BAZ1B: variants seen among roughly 807,000 people sequenced by gnomAD.
The protein encoded by BAZ1B is tyrosine-protein kinase BAZ1B.
A neutral mutation model predicts 153.8 loss-of-function variants in BAZ1B; 22 were observed. That is an observed-to-expected ratio of 0.14 (90% CI 0.10 to 0.20). The LOEUF (loss-of-function observed/expected upper bound fraction) is 0.20, where lower values mean the gene tolerates loss of function less well. Among genes scored for constraint, BAZ1B ranks in the 10% least tolerant of loss-of-function variants. BAZ1B has a pLI of 1.00. For synonymous variants in BAZ1B, 676 were observed against 633.4 expected, an observed-to-expected ratio of 1.07 and a Z score of -1.01; for missense variants, 1,325 against 1,799.3, an observed-to-expected ratio of 0.74 and a Z score of 4.77.
rs1554565233 is a variant in BAZ1B, at chr7:73,442,315, G to A, written c.4333C>T (p.Pro1445Ser). 1.9e-6 allele frequency: 3 copies of A among 1,614,066 alleles called. No homozygotes were observed. Among genetic ancestry groups the A allele is most frequent in the African/African-American group, 1.3e-5 (1 of 74,914 alleles). Reference sequence around the variant, plus strand: ...TTCCTGCGGACATATGGGTGGCCAGGAAGGTGTTTATGCAACAGAGCCACT... The same window carrying A: ...TTCCTGCGGACATATGGGTGGCCAGAAAGGTGTTTATGCAACAGAGCCACT... Reference protein sequence around the residue: ...CLVALLHKHLPGHPYVRRKRK... With the variant: ...CLVALLHKHLSGHPYVRRKRK... The change falls in exon 19 of 20, where the codon CCT (proline) becomes TCT (serine). Residue 1445 changes from proline (P) to serine (S), a missense_variant. Physicochemically the swap from Pro to Ser is moderately conservative, Grantham distance 74. Transcript: ENST00000339594.
At chr7:73,513,116 C>T (rs1790653211) in intron 1 of BAZ1B, among the ~76,000 whole-genome samples, 1 of 152,058 alleles carries the variant, frequency 6.6e-6, no homozygotes, top group Non-Finnish European at 1.5e-5. Context: ...ACCATGCCCA[C>T]CTACATTTTT....
intron 13 of BAZ1B, among the ~76,000 whole-genome samples, chr7:73,455,813 T>C (rs797031740): frequency 1.3e-5 from 2 of 152,174 alleles, no homozygotes; most frequent in African/African-American, 4.8e-5. Flanking sequence ...AGAGCAAATA[T>C]GACATCAGGT....
At chr7:73,505,317 T>C (rs1554577618) in intron 3 of BAZ1B, among the ~76,000 whole-genome samples, 1 of 152,168 alleles carries the variant, frequency 6.6e-6, no homozygotes. Context: ...ACAGCAAAGC[T>C]AAGGACCAGA....
At chr7:73,447,957 A>T (rs1387865542) in intron 15 of BAZ1B, among the ~76,000 whole-genome samples, 1 of 152,220 alleles carries the variant, frequency 6.6e-6, no homozygotes, top group African/African-American at 2.4e-5. Flanking sequence ...GGAGTGCAAA[A>T]GAACCTGCTA....
chr7:73,459,634 A>C lies in BAZ1B; in HGVS notation c.3334T>G (p.Phe1112Val). Residue 1112 changes from phenylalanine (F) to valine (V), a missense_variant, in exon 13 of 20, where the codon TTC becomes GTC. By Grantham distance (50) the Phe-to-Val change is conservative. Around this residue, in one of 9 missense-constraint regions of BAZ1B, gnomAD observed 431 missense variants for 563.5 expected, o/e 0.76. Coordinates refer to ENST00000339594, the MANE Select transcript of BAZ1B (RefSeq NM_032408.4). ...CTTCTCTTTTGCTTGGGAGCCATGA[A>C]GCCTTGGAGAAATTTCTTTATGACA... ...ASVIKKFLQG[F>V]MAPKQKRRKL... The C allele has an allele frequency of 6.2e-7, 1 of 1,614,084 alleles. No homozygotes were observed. Among genetic ancestry groups the C allele is most frequent in the Non-Finnish European group, 8.5e-7 (1 of 1,180,020 alleles).
In BAZ1B at chr7:73,497,137, G is replaced by A. The variant is rs572382679; in HGVS notation, c.571+1360C>T. ...GCATGCCTACGGTCCCAGCTACTTG[G>A]GAAGCTGAGGTGGCAGGATCGCTTC... On this transcript the variant is annotated intron_variant, in intron 4 of 19. Transcript: ENST00000339594. 2.5e-4 allele frequency among the ~76,000 whole-genome samples: 37 copies of A among 150,328 alleles called. No individual in the cohort carries two copies. The South Asian group carries it at 7.3e-3, about 30-fold the overall frequency.
chr7:73,500,432 A>G (rs371266534), intron 3 of BAZ1B, among the ~76,000 whole-genome samples: 1 of 152,136 alleles, frequency 6.6e-6, no homozygotes, highest in Non-Finnish European at 1.5e-5. Context: ...GATTCCAGCT[A>G]CTAGGGAGGC....
At chr7:73,469,742 G>A (rs1038143769) in intron 8 of BAZ1B, 92 bp from the exon 9 acceptor site, 34 of 1,461,464 alleles carry the variant, frequency 2.3e-5, no homozygotes, top group Middle Eastern at 2.3e-4. Context: ...GAGTATCACT[G>A]AGCATTCAAA....
intron 3 of BAZ1B, among the ~76,000 whole-genome samples, chr7:73,500,467 T>C (rs928549591): frequency 9.2e-5 from 14 of 152,120 alleles, no homozygotes; most frequent in African/African-American, 3.4e-4. Flanking sequence ...CACTTGAGCC[T>C]GGGACGTTGA....
In BAZ1B at chr7:73,462,997, A is replaced by T; in HGVS notation, c.3174T>A (p.Asp1058Glu). 1 of 1,614,054 alleles carries T rather than the reference A, an allele frequency of 6.2e-7. No homozygotes were observed. The highest frequency in any genetic ancestry group is 8.5e-7 in the Non-Finnish European group (1 of 1,179,982). Reference protein sequence around the residue: ...NQELLNFLRSDLIEVATRLQK... With the variant: ...NQELLNFLRSELIEVATRLQK... ...GTAACCTTGTTGCAACTTCAATGAGATCACTACGAAGGAAGTTTAAAAGCT... is the reference window on the plus strand; with the variant it reads ...GTAACCTTGTTGCAACTTCAATGAGTTCACTACGAAGGAAGTTTAAAAGCT... The change falls in exon 12 of 20, where the codon GAT (aspartate) becomes GAA (glutamate). Residue 1058 changes from aspartate to glutamate, a missense_variant. Physicochemically the swap from Asp to Glu is conservative, Grantham distance 45 (BLOSUM62 2). Around this residue, in one of 9 missense-constraint regions of BAZ1B, gnomAD observed 431 missense variants for 563.5 expected, o/e 0.76. Transcript: ENST00000339594.
At chr7:73,449,320 CAG>C (rs1457152622) in intron 15 of BAZ1B, among the ~76,000 whole-genome samples, 5 of 152,264 alleles carry the variant, frequency 3.3e-5, no homozygotes, top group Admixed American at 1.3e-4. Context: ...ATCAAGAAGA[CAG>C]AGAATGTGGC....
At chr7:73,453,306 T>C (rs1447472331) in intron 13 of BAZ1B, among the ~76,000 whole-genome samples, 1 of 152,266 alleles carries the variant, frequency 6.6e-6, no homozygotes, top group African/African-American at 2.4e-5. Context: ...TCCATTTATG[T>C]ACTGTGTCTG....
intron 3 of BAZ1B, among the ~76,000 whole-genome samples, chr7:73,506,576 G>A (rs761189055): frequency 1.3e-5 from 2 of 151,504 alleles, no homozygotes; most frequent in Non-Finnish European, 1.5e-5. Flanking sequence ...GTCTGAGGCC[G>A]GGCGCAGTGA....
chr7:73,488,731 C>A (rs191068148), intron 6 of BAZ1B, among the ~76,000 whole-genome samples: 8,879 of 142,282 alleles, frequency 0.062, 308 homozygotes, highest in African/African-American at 0.077. Context: ...AAAAAAAAAA[C>A]AAAAAAAACT....
intron 6 of BAZ1B, among the ~76,000 whole-genome samples, chr7:73,480,199 T>C (rs1435944524): frequency 6.6e-6 from 1 of 151,732 alleles, no homozygotes; most frequent in Non-Finnish European, 1.5e-5. Flanking sequence ...TTTAAATTCA[T>C]TGCCAGGCAC....
intron 13 of BAZ1B, among the ~76,000 whole-genome samples, chr7:73,457,919 C>T (rs1788261577): frequency 6.6e-6 from 1 of 152,130 alleles, no homozygotes. Context: ...CCCACGTACC[C>T]CTGCTCCGCC....
intron 2 of BAZ1B, among the ~76,000 whole-genome samples, chr7:73,509,344 AAC>A (rs1554578247): frequency 6.6e-6 from 1 of 152,066 alleles, no homozygotes; most frequent in Non-Finnish European, 1.5e-5. Flanking sequence ...AACAAAAAAA[AAC>A]ACTTAACATT....
rs1217844073 is a variant in BAZ1B, at chr7:73,477,621, C to G, written c.1840G>C (p.Val614Leu). 1 of 1,614,110 alleles carries G rather than the reference C, an allele frequency of 6.2e-7. No individual in the cohort carries two copies. Among genetic ancestry groups the G allele is most frequent in the Non-Finnish European group, 8.5e-7 (1 of 1,180,058 alleles). Residue 614 changes from valine (V) to leucine (L), a missense_variant, in exon 7 of 20, where the codon GTG (valine) becomes CTG (leucine). By Grantham distance (32) the Val-to-Leu change is conservative (BLOSUM62 1). Transcript: ENST00000339594. This position sits in a 1 kb window ranked among gnomAD's most constrained non-coding sequence, Gnocchi z 5.6. ...CCAGAATAACAGCTCAAGAATTCCA[C>G]CACCATGGCCACATCCCCAAACAGC... ...NTLFGDVAMV[V>L]EFLSCYSGLL... is the part of the protein sequence containing the mutation.
intron 5 of BAZ1B, among the ~76,000 whole-genome samples, chr7:73,490,103 C>G (rs1554575279): frequency 6.6e-6 from 1 of 152,132 alleles, no homozygotes; most frequent in Non-Finnish European, 1.5e-5. Context: ...CAGAAAAATT[C>G]ATCAGAATCA....
Sources: allele counts gnomAD v4.1 joint callset (sites outside exome capture counted in the v4.1 genomes callset), GRCh38; gene constraint gnomAD v4.1.1; regional missense constraint gnomAD v4.1.1; non-coding constraint Gnocchi (gnomAD v3.1); transcripts MANE v1.5; gene names NCBI Gene and HGNC (gene_info 2026-07-23, HGNC 2026-07-21).